INO80: variants seen among roughly 807,000 people sequenced by gnomAD.
INO80 encodes the protein chromatin-remodeling ATPase INO80.
In INO80, 20 loss-of-function variants were observed where a neutral mutation model predicts 203.4. The ratio of observed to expected loss-of-function variants is 0.10; its 90% CI spans 0.07 to 0.14. The LOEUF is 0.14. Ranked by LOEUF, INO80 falls within the 10% of genes least tolerant of loss-of-function variation. INO80 has a pLI of 1.00. For missense variants in INO80, 1,419 were observed against 1,914.4 expected (o/e 0.74, Z 4.83); for synonymous variants, 726 against 685.2 (o/e 1.06, Z -0.93).
At chr15:41,108,567 G>A (rs2045914937) in intron 1 of INO80, among the ~76,000 whole-genome samples, 1 of 150,118 alleles carries the variant, frequency 6.7e-6, no homozygotes, top group South Asian at 2.1e-4. Flanking sequence ...ATTCCAGCCT[G>A]GGGGACACAG....
At chr15:40,995,161 A>G (rs146534715) in intron 29 of INO80, among the ~76,000 whole-genome samples, 2 of 152,350 alleles carry the variant, frequency 1.3e-5, no homozygotes, top group African/African-American at 4.8e-5. Context: ...CAGCCTAGAA[A>G]TGCAGACTTT....
chr15:41,101,018 T>A (rs139533693), intron 1 of INO80, among the ~76,000 whole-genome samples: 3,369 of 151,924 alleles, frequency 0.022, 124 homozygotes, highest in African/African-American at 0.077. Context: ...TTAGTAGAGA[T>A]GGAGTTTTAC....
At chr15:41,088,264 A>G (rs747493808) in intron 5 of INO80, among the ~76,000 whole-genome samples, 2 of 151,318 alleles carry the variant, frequency 1.3e-5, no homozygotes, top group Non-Finnish European at 2.9e-5. Flanking sequence ...TGATTTTTGT[A>G]TTTTTAGTAG....
intron 32 of INO80, 57 bp from the exon 33 acceptor site, chr15:40,984,409 C>T (rs573724818): frequency 1.1e-5 from 17 of 1,521,156 alleles, no homozygotes; most frequent in South Asian, 4.7e-5. Context: ...AAAAGAAAAG[C>T]GGGATTTGGG....
chr15:41,073,521 C>T (rs754402006), intron 10 of INO80, 26 bp from the exon 11 acceptor site: 1 of 1,548,782 alleles, frequency 6.5e-7, no homozygotes. Context: ...TATGGATTAT[C>T]ACACTTTATC....
chr15:41,094,618 G>A lies in INO80; in HGVS notation c.381+983C>T, dbSNP rs1026292172. Among the ~76,000 whole-genome samples the A allele has an allele frequency of 2.0e-5, 3 of 152,232 alleles. No individual in the cohort carries two copies. The East Asian group carries it at 5.8e-4, about 29-fold the overall frequency. On this transcript the variant is annotated intron_variant, in intron 4 of 35. Coordinates refer to ENST00000648947, the MANE Select transcript of INO80 (RefSeq NM_017553.3). ...TCTGTTAAATGAATAAACTACTCAG[G>A]AACTTATGGAAGTTATGGAATTAAT...
chr15:41,105,347 C>T (rs1355921307), intron 1 of INO80, among the ~76,000 whole-genome samples: 1 of 152,160 alleles, frequency 6.6e-6, no homozygotes, highest in Non-Finnish European at 1.5e-5. Flanking sequence ...TTCTCAAATA[C>T]TTAGTAAGGA....
chr15:41,051,140 A>AAAAAAAAAAAAAAG (rs2044863126), intron 19 of INO80, among the ~76,000 whole-genome samples: 1 of 150,876 alleles, frequency 6.6e-6, no homozygotes, highest in East Asian at 1.9e-4. Context: ...AAAAAAAAAA[A>AAAAAAAAAAAAAAG]AAAGAAAGTT....
chr15:41,048,201 A>G lies in INO80; in HGVS notation c.2641+11T>C, dbSNP rs1279277916. On this transcript the variant is annotated intron_variant, in intron 22 of 35. Coordinates refer to ENST00000648947, the MANE Select transcript of INO80 (RefSeq NM_017553.3). ...TGACAAACCTACTTTCCCAAAGATCAAAACACCTACCTTTTCTGTGAAAGA... is the reference window on the plus strand; with the variant it reads ...TGACAAACCTACTTTCCCAAAGATCGAAACACCTACCTTTTCTGTGAAAGA... 1.9e-6 allele frequency: 3 copies of G among 1,608,094 alleles called. No homozygotes were observed. In the African/African-American group the frequency reaches 4.0e-5, roughly 22 times the overall value.
intron 4 of INO80, among the ~76,000 whole-genome samples, chr15:41,094,626 G>T (rs1179176350): frequency 6.6e-6 from 1 of 152,064 alleles, no homozygotes; most frequent in African/African-American, 2.4e-5. Context: ...AGGAACTTAT[G>T]GAAGTTATGG....
chr15:41,086,650 CAAAA>C (rs758638165), intron 6 of INO80, among the ~76,000 whole-genome samples: 1 of 101,842 alleles, frequency 9.8e-6, no homozygotes, highest in Admixed American at 1.1e-4. Context: ...GACTCCATCT[CAAAA>C]AAAAAAAAAA....
chr15:41,037,502 T>A (rs546795796), intron 24 of INO80, among the ~76,000 whole-genome samples: 15 of 151,916 alleles, frequency 9.9e-5, no homozygotes, highest in African/African-American at 3.4e-4. Flanking sequence ...AGACTCCATC[T>A]CCAAAAAAAT....
At chr15:41,014,828 T>TA (rs1317446870) in intron 27 of INO80, among the ~76,000 whole-genome samples, 1 of 152,218 alleles carries the variant, frequency 6.6e-6, no homozygotes, top group African/African-American at 2.4e-5. Flanking sequence ...AAACCCTCCT[T>TA]AATGCTAGCC....
intron 29 of INO80, among the ~76,000 whole-genome samples, chr15:40,990,446 A>C (rs1396709689): frequency 1.3e-5 from 2 of 152,120 alleles, no homozygotes; most frequent in Non-Finnish European, 2.9e-5. Context: ...CTGCAGCCCC[A>C]AACTCCTGGG....
intron 28 of INO80, among the ~76,000 whole-genome samples, chr15:41,002,318 CTT>C (rs1401669838): frequency 6.6e-6 from 1 of 152,214 alleles, no homozygotes; most frequent in African/African-American, 2.4e-5. Flanking sequence ...AAATGCCACT[CTT>C]TTAGAGCTAA....
intron 29 of INO80, among the ~76,000 whole-genome samples, chr15:40,989,095 C>T (rs1050039487): frequency 6.6e-6 from 1 of 151,476 alleles, no homozygotes; most frequent in African/African-American, 2.4e-5. Flanking sequence ...AGGAGAATTG[C>T]TTGAACCCAG....
chr15:41,017,789 T>C (rs2044232937), intron 26 of INO80: 1 of 152,222 alleles, frequency 6.6e-6, no homozygotes, highest in Non-Finnish European at 1.5e-5. Context: ...GCACACACCT[T>C]TGTTCAGTCT....
In INO80 at chr15:41,016,199, G is replaced by A; in HGVS notation, c.3291C>T (p.Ile1097=). 6.2e-7 allele frequency: 1 copy of A among 1,613,960 alleles called. No individual in the cohort carries two copies. The highest frequency in any genetic ancestry group is 8.5e-7 in the Non-Finnish European group (1 of 1,179,914). The change falls in exon 27 of 36, where the codon ATC becomes ATT. Residue 1097 remains isoleucine, a synonymous_variant. Transcript: ENST00000648947. ...FIRIPGKESL[I]TDSGKLYALD... is the part of the protein sequence containing the mutation. ...GGGCATACAGCTTTCCACTGTCAGTGATGAGGCTCTCCTTGCCTGGGGAGA... is the reference window on the plus strand; with the variant it reads ...GGGCATACAGCTTTCCACTGTCAGTAATGAGGCTCTCCTTGCCTGGGGAGA...
At chr15:41,007,922 C>T (rs1156482790) in intron 27 of INO80, among the ~76,000 whole-genome samples, 1 of 152,136 alleles carries the variant, frequency 6.6e-6, no homozygotes, top group African/African-American at 2.4e-5. Flanking sequence ...GCCTGTAATC[C>T]CAGCACTGTG....
Sources: allele counts gnomAD v4.1 joint callset (sites outside exome capture counted in the v4.1 genomes callset), GRCh38; gene constraint gnomAD v4.1.1; transcripts MANE v1.5; gene names NCBI Gene and HGNC (gene_info 2026-07-23, HGNC 2026-07-21).